The following STOML1 variants were observed in gnomAD, a reference collection of about 807,000 sequenced individuals.
STOML1 encodes stomatin-like protein 1.
Under a neutral mutation model 35.7 loss-of-function variants are expected in STOML1, and 27 were observed. That is an observed-to-expected ratio of 0.76 (90% CI 0.56 to 1.04). STOML1 has a LOEUF of 1.04. Among genes scored for constraint, STOML1 ranks in the 50% least tolerant of loss-of-function variants. The pLI, the probability that STOML1 is intolerant of heterozygous loss-of-function variation, is 0.00. For synonymous variants in STOML1, 219 were observed against 227.9 expected, an observed-to-expected ratio of 0.96 and a Z score of 0.35; for missense variants, 451 against 527.1, an observed-to-expected ratio of 0.86 and a Z score of 1.41.
chr15:73,987,055 A>C (rs1402965596), intron 4 of STOML1: 1 of 153,744 alleles, frequency 6.5e-6, no homozygotes, highest in East Asian at 1.9e-4. Context: ...AAGGGGTGAA[A>C]CTGGAGGAAG....
In STOML1 at chr15:73,992,217, C is replaced by G. The variant is rs747932881; in HGVS notation, c.7G>C (p.Gly3Arg). ...GGCAGCGCCCGGTACCCAGACCTGC[C>G]GAGCATGGCTTTTGACAGGAGACAC... is the stretch of plus-strand genomic sequence containing the variant. ML[G>R]RSGYRALPLG... Residue 3 changes from glycine (G) to arginine (R), a missense_variant, in exon 1 of 7, where the codon GGC becomes CGC. By Grantham distance (125) the Gly-to-Arg change is moderately radical. Coordinates refer to ENST00000541638, the MANE Select transcript of STOML1 (RefSeq NM_004809.5). 39 of 1,600,132 alleles carry G rather than the reference C, an allele frequency of 2.4e-5. No homozygotes were observed. Among genetic ancestry groups the G allele is most frequent in the Admixed American group, 6.8e-5 (4 of 58,864 alleles).
chr15:73,989,464 T>C (rs1225207930), intron 2 of STOML1, among the ~76,000 whole-genome samples: 3 of 152,206 alleles, frequency 2.0e-5, no homozygotes, highest in Non-Finnish European at 2.9e-5. Flanking sequence ...TAGTGAAGAT[T>C]TGAATGCAGT....
chr15:73,992,349 G>A (rs532428126), upstream of STOML1: 843 of 1,209,620 alleles, frequency 7.0e-4, 6 homozygotes, highest in African/African-American at 0.011. Flanking sequence ...GCGGCGGCGC[G>A]GGCGCAGGAA....
rs1370441396 is a variant in STOML1 at position 73,985,334 on chromosome 15, G to T, written c.774C>A (p.Ala258=). The T allele has an allele frequency of 1.3e-6, 2 of 1,539,262 alleles. No individual in the cohort carries two copies. Among genetic ancestry groups the T allele is most frequent in the African/African-American group, 2.8e-5 (2 of 71,454 alleles). ...GGSMNSMAGG[A]PSPGPADTVE... ...GCTCCTCACCTGGCCCCGGGGACGG[G>T]GCACCTCCTGCCATTGAGTTCATGC... Residue 258 remains alanine (A), a synonymous_variant, in exon 5 of 7, where the codon GCC becomes GCA. Transcript: ENST00000541638.
In STOML1 at chr15:73,990,345, C is replaced by T. The variant is rs202210852; in HGVS notation, c.240+6G>A. ...CCACCCTGGGGGCTGACCCAGCCAG[C>T]CTTACCTTCAGGGCAAACCAGCCAG... is the stretch of plus-strand genomic sequence containing the variant. On this transcript the variant is annotated splice_donor_region_variant and intron_variant, in intron 2 of 6. Transcript: ENST00000541638. 1.2e-6 allele frequency: 2 copies of T among 1,613,862 alleles called. No homozygotes were observed. Among genetic ancestry groups the T allele is most frequent in the African/African-American group, 2.7e-5 (2 of 75,038 alleles).
chr15:73,994,619 C>T, upstream of STOML1: 1 of 637,258 alleles, frequency 1.6e-6, no homozygotes, highest in Middle Eastern at 4.3e-4. Context: ...GTCTTTAAAA[C>T]CCACAGTCGG....
upstream of STOML1, among the ~76,000 whole-genome samples, chr15:73,993,787 A>G (rs1156925787): frequency 6.6e-6 from 1 of 152,122 alleles, no homozygotes; most frequent in African/African-American, 2.4e-5. Flanking sequence ...TCCCCTTACC[A>G]GCTGGGAGTC....
intron 1 of STOML1, chr15:73,991,592 C>A (rs780821957): frequency 8.8e-6 from 4 of 457,110 alleles, no homozygotes; most frequent in East Asian, 6.9e-5. Context: ...GAGGGCAAGA[C>A]AGAAGCAGGG....
In STOML1 at chr15:73,988,676, C is replaced by T. The variant is rs527960995; in HGVS notation, c.517G>A (p.Ala173Thr). 1.1e-4 allele frequency: 175 copies of T among 1,614,206 alleles called. 1 individual carries two copies. The South Asian group carries it at 1.4e-3, about 13-fold the overall frequency. Residue 173 changes from alanine (A) to threonine (T), a missense_variant, in exon 4 of 7, where the codon GCC becomes ACC. Ala to Thr is a moderately conservative substitution (Grantham distance 58). Coordinates refer to ENST00000541638, the MANE Select transcript of STOML1 (RefSeq NM_004809.5). This position sits in a 1 kb window ranked among gnomAD's most constrained non-coding sequence, Gnocchi z 4.8. ...CTCTTGAGCAGGGCCTTGGTCATGGCGTTCTGGGCTGTCATGCGTGTGGCT... is the reference window on the plus strand; with the variant it reads ...CTCTTGAGCAGGGCCTTGGTCATGGTGTTCTGGGCTGTCATGCGTGTGGCT... The part of the protein sequence containing the change: ...NTATRMTAQN[A>T]MTKALLKRPL...
At position 73,984,821 on chromosome 15, in the gene STOML1, C is replaced by G; in HGVS notation, c.841G>C (p.Gly281Arg). ...SEVEPPAPQV[G>R]ARSSPKQPLA... ...GGCTGCTTCGGACTGGACCTGGCAC[C>G]AACTTGAGGGGCAGGTGGCTCAACT... The change falls in exon 6 of 7, where the codon GGT becomes CGT. Residue 281 changes from glycine (G) to arginine (R), a missense_variant. Coordinates refer to ENST00000541638, the MANE Select transcript of STOML1 (RefSeq NM_004809.5). The G allele has an allele frequency of 6.2e-7, 1 of 1,614,128 alleles. No homozygotes were observed.
At position 73,985,464 on chromosome 15, in the gene STOML1, A is replaced by T; in HGVS notation, c.644T>A (p.Val215Glu). The T allele has an allele frequency of 6.5e-7, 1 of 1,544,002 alleles. No individual in the cohort carries two copies. Residue 215 changes from valine (V) to glutamate (E), a missense_variant, in exon 5 of 7, where the codon GTG becomes GAG. Physicochemically the swap from Val to Glu is moderately radical, Grantham distance 121 (BLOSUM62 -2). Coordinates refer to ENST00000541638, the MANE Select transcript of STOML1 (RefSeq NM_004809.5). ...GAGCACGGCCTCCACTGCCAGCTCC[A>T]CGCGGTCTACCTCCAGCCCCCAGGC... The part of the protein sequence containing the change: ...TRAWGLEVDR[V>E]ELAVEAVLQP...
rs1398894457 is a variant in STOML1, at chr15:73,988,260, TGCCCCATGAGTCAG to T, written c.594+325_594+338del. On this transcript the variant is annotated intron_variant, in intron 4 of 6. Transcript: ENST00000541638. This position sits in a 1 kb window ranked among gnomAD's most constrained non-coding sequence, Gnocchi z 4.8. ...GTCCCTGCTCCATCACCCATCTGCC[TGCCCCATGAGTCAG>T]GCCCGGAATGAGAGCTGTAGAAGCC... is the stretch of plus-strand genomic sequence containing the variant. 2.7e-5 allele frequency: 7 copies of T among 260,172 alleles called. 1 individual carries two copies. Among genetic ancestry groups the T allele is most frequent in the South Asian group, 2.3e-4 (4 of 17,524 alleles). The allele number at this position is 260,172 out of a possible 1,614,324, so 16.1% of individuals were successfully genotyped here.
At position 73,985,317 on chromosome 15, in the gene STOML1, C is replaced by A. The variant is rs1226144378; in HGVS notation, c.790+1G>T. On this transcript the variant is annotated splice_donor_variant, in intron 5 of 6. Coordinates refer to ENST00000541638, the MANE Select transcript of STOML1 (RefSeq NM_004809.5). LOFTEE classifies it high-confidence loss of function. Reference sequence around the variant, plus strand: ...CCGCTCTCCTCCCCAGGGCTCCTCACCTGGCCCCGGGGACGGGGCACCTCC... The same window carrying A: ...CCGCTCTCCTCCCCAGGGCTCCTCAACTGGCCCCGGGGACGGGGCACCTCC... 2.0e-6 allele frequency: 3 copies of A among 1,527,480 alleles called. No homozygotes were observed. The highest frequency in any genetic ancestry group is 2.8e-5 in the African/African-American group (2 of 71,378). 94.6% of individuals were successfully genotyped at this position (1,527,480 alleles called of 1,614,324 possible).
rs2068969649 is a variant in STOML1, at chr15:73,982,272, G to A, written c.*1665C>T. ...GGGCACAGAGGACAAGTCTCACTGG[G>A]CCTCAAAGGGTGGCCACAGTGTGGC... On this transcript the variant is annotated 3_prime_UTR_variant, in exon 7 of 7. Transcript: ENST00000541638. 6.6e-6 allele frequency: 1 copy of A among 152,532 alleles called. No homozygotes were observed. The highest frequency in any genetic ancestry group is 2.4e-5 in the African/African-American group (1 of 41,464). The allele number at this position is 152,532 out of a possible 1,614,324, so 9.4% of individuals were successfully genotyped here.
intron 4 of STOML1, chr15:73,987,101 T>C (rs886540067): frequency 6.5e-6 from 1 of 153,002 alleles, no homozygotes; most frequent in African/African-American, 2.4e-5. Flanking sequence ...TCCTGAGTGT[T>C]AGGAGGCAAG....
In STOML1 at chr15:73,983,640, G is replaced by C. The variant is rs2068994406; in HGVS notation, c.*297C>G. The C allele has an allele frequency of 3.1e-6, 1 of 325,144 alleles. No homozygotes were observed. The highest frequency in any genetic ancestry group is 4.6e-5 in the Admixed American group (1 of 21,940). The allele number at this position is 325,144 out of a possible 1,614,324, so 20.1% of individuals were successfully genotyped here. ...TCCTGTCTCTCCAGTCAGGAAGCCAGCAGGGCAGGGCAGGCCTGGCTCTCC... is the reference window on the plus strand; with the variant it reads ...TCCTGTCTCTCCAGTCAGGAAGCCACCAGGGCAGGGCAGGCCTGGCTCTCC... On this transcript the variant is annotated 3_prime_UTR_variant, in exon 7 of 7. Transcript: ENST00000541638.
upstream of STOML1, chr15:73,992,314 T>G (rs2069309594): frequency 2.9e-6 from 4 of 1,397,962 alleles, no homozygotes; most frequent in Non-Finnish European, 3.7e-6. Flanking sequence ...GGCTGCTGCT[T>G]CCGGCTTCAC....
chr15:73,984,617 A>G, intron 6 of STOML1, 42 bp downstream of exon 6: 8 of 1,605,406 alleles, frequency 5.0e-6, no homozygotes, highest in Non-Finnish European at 6.8e-6. Context: ...CAAGAAACCT[A>G]GCAAGCTGGA....
At chr15:73,991,067 G>A in intron 1 of STOML1, 2 of 1,302,880 alleles carry the variant, frequency 1.5e-6, no homozygotes, top group East Asian at 3.0e-5. Flanking sequence ...CCTATTTCAC[G>A]AGATGGCGCC....
Sources: gnomAD v4.1 joint callset for allele counts (sites outside exome capture counted in the v4.1 genomes callset) on GRCh38, gnomAD v4.1.1 for gene constraint, Gnocchi (gnomAD v3.1) non-coding constraint, MANE v1.5 for transcripts, NCBI Gene and HGNC (gene_info 2026-07-23, HGNC 2026-07-21) for gene names.